Variants in PITPNA observed in about 807,000 individuals in gnomAD.
The protein encoded by PITPNA is phosphatidylinositol transfer protein alpha isoform.
PITPNA carries 13 observed loss-of-function variants against 50.3 expected under a neutral mutation model. The observed-to-expected ratio is 0.26, with a 90% CI of 0.17 to 0.41. The LOEUF (loss-of-function observed/expected upper bound fraction) is 0.41. PITPNA is among the 10% of genes least tolerant of loss of function. PITPNA has a pLI of 1.00. For synonymous variants in PITPNA, 120 were observed against 119.6 expected (o/e 1.00, Z -0.02); for missense variants, 207 against 333.4 (o/e 0.62, Z 2.95).
intron 10 of PITPNA, among the ~76,000 whole-genome samples, chr17:1,526,221 A>G (rs1437830187): frequency 6.6e-6 from 1 of 152,266 alleles, no homozygotes; most frequent in African/African-American, 2.4e-5. Flanking sequence ...GGGTCTAATC[A>G]TGCAGAAACA....
chr17:1,520,410 T>G lies in PITPNA; in HGVS notation c.*151A>C, dbSNP rs1309170872. The G allele has an allele frequency of 6.6e-6, 1 of 152,576 alleles. No individual in the cohort carries two copies. Among genetic ancestry groups the G allele is most frequent in the Non-Finnish European group, 1.5e-5 (1 of 68,040 alleles). 9.5% of individuals were successfully genotyped at this position (152,576 alleles called of 1,614,324 possible). A position where few individuals can be genotyped will look rare whatever the true frequency, so the allele number is the denominator to read the frequency against. ...TTTGTTCACAATACTGAAGGGCATC[T>G]AGAATTAGCTACAGTAAGGAATCGA... On this transcript the variant is annotated 3_prime_UTR_variant, in exon 12 of 12. Transcript: ENST00000313486.
At chr17:1,521,909 G>GT (rs1370807096) in intron 10 of PITPNA, among the ~76,000 whole-genome samples, 1 of 140,720 alleles carries the variant, frequency 7.1e-6, no homozygotes, top group African/African-American at 2.7e-5. Context: ...AGAGGTGTGT[G>GT]TGGGGGGGTC....
intron 6 of PITPNA, 95 bp from the exon 7 acceptor site, chr17:1,539,047 C>A: frequency 2.8e-6 from 2 of 709,146 alleles, no homozygotes; most frequent in Non-Finnish European, 2.5e-6. Flanking sequence ...ATTCCCATAG[C>A]CACAGATGTA....
chr17:1,543,058 G>C, intron 4 of PITPNA, 31 bp from the exon 5 acceptor site: 1 of 1,557,506 alleles, frequency 6.4e-7, no homozygotes, highest in Non-Finnish European at 8.7e-7. Flanking sequence ...GGAAAGAAGA[G>C]AGAAAAAGAT....
chr17:1,539,535 C>G (rs1490857706), intron 6 of PITPNA, among the ~76,000 whole-genome samples: 1 of 150,774 alleles, frequency 6.6e-6, no homozygotes, highest in Non-Finnish European at 1.5e-5. Context: ...GTTACAGCCT[C>G]CTGAAGAGCT....
chr17:1,520,618 A>G (rs2075504848), intron 11 of PITPNA, 80 bp from the exon 12 acceptor site: 12 of 145,896 alleles, frequency 8.2e-5, no homozygotes, highest in Admixed American at 8.1e-4. Flanking sequence ...GATAATTTCA[A>G]GAGGAGGAGG....
At chr17:1,554,286 A>G (rs954879948) in intron 2 of PITPNA, among the ~76,000 whole-genome samples, 3 of 151,054 alleles carry the variant, frequency 2.0e-5, no homozygotes, top group African/African-American at 7.3e-5. Flanking sequence ...GAAAAAAGCT[A>G]TGGGATTACC....
rs150395486 is a variant in PITPNA, at chr17:1,558,048, T to C, written c.51+481A>G. On this transcript the variant is annotated intron_variant, in intron 2 of 11. Coordinates refer to ENST00000313486, the MANE Select transcript of PITPNA (RefSeq NM_006224.4). ...GAGTTTGAGACCAGCCTGGCCAACA[T>C]GGTGAAAGCCCATCTCTACTAAAGA... Among the ~76,000 whole-genome samples, 873 of 152,042 alleles carry C rather than the reference T, an allele frequency of 5.7e-3. 20 individuals carry two copies. The highest frequency in any genetic ancestry group is 0.02 in the African/African-American group (832 of 41,450).
rs765603411 is a variant in PITPNA at position 1,519,341 on chromosome 17, G to C, written c.*1220C>G. 3.3e-5 allele frequency: 5 copies of C among 152,234 alleles called. No individual in the cohort carries two copies. The South Asian group carries it at 8.3e-4, about 25-fold the overall frequency. 9.4% of individuals were successfully genotyped at this position (152,234 alleles called of 1,614,324 possible). On this transcript the variant is annotated 3_prime_UTR_variant, in exon 12 of 12. Transcript: ENST00000313486. ...AAGAGGCAAACTCAGGCTCTGTCAA[G>C]TTGCAGGAAGCTATGAACACTGGGC...
intron 10 of PITPNA, among the ~76,000 whole-genome samples, chr17:1,532,772 C>G (rs968990497): frequency 6.6e-6 from 1 of 152,192 alleles, no homozygotes; most frequent in African/African-American, 2.4e-5. Flanking sequence ...TCCTAAAGAT[C>G]CTTAGCGAAA....
intron 7 of PITPNA, among the ~76,000 whole-genome samples, chr17:1,537,801 T>TTGTG (rs140453081): frequency 4.8e-4 from 72 of 151,208 alleles, no homozygotes; most frequent in African/African-American, 1.3e-3. Context: ...CAAAATAACT[T>TTGTG]TGTGTGTGTG....
chr17:1,525,577 G>A (rs2075542828), intron 10 of PITPNA, among the ~76,000 whole-genome samples: 1 of 148,024 alleles, frequency 6.8e-6, no homozygotes, highest in Admixed American at 6.9e-5. Flanking sequence ...AGAGTGCAGT[G>A]GCACGATCTT....
intron 11 of PITPNA, 43 bp downstream of exon 11, chr17:1,521,536 T>C: frequency 1.4e-6 from 2 of 1,413,762 alleles, no homozygotes; most frequent in South Asian, 2.3e-5. Context: ...CCCAAACTGA[T>C]TTTAGCGTCT....
intron 6 of PITPNA, among the ~76,000 whole-genome samples, chr17:1,540,933 C>A (rs1261498096): frequency 6.6e-6 from 1 of 152,140 alleles, no homozygotes. Context: ...GGGTGTCACT[C>A]TGTTGCCCAG....
At chr17:1,554,233 C>T (rs1016511741) in intron 2 of PITPNA, among the ~76,000 whole-genome samples, 6 of 152,076 alleles carry the variant, frequency 3.9e-5, no homozygotes, top group African/African-American at 9.7e-5. Context: ...CTACCGCTGC[C>T]GGTGCTAATC....
At chr17:1,523,196 G>A (rs1205498132) in intron 10 of PITPNA, among the ~76,000 whole-genome samples, 1 of 152,186 alleles carries the variant, frequency 6.6e-6, no homozygotes, top group African/African-American at 2.4e-5. Context: ...TCTAAAATCA[G>A]TTCTGATTTG....
chr17:1,560,295 C>T (rs1042584915), intron 1 of PITPNA, among the ~76,000 whole-genome samples: 3 of 152,204 alleles, frequency 2.0e-5, no homozygotes, highest in Admixed American at 6.5e-5. Context: ...GAGGAACTGC[C>T]GGGCTGGGCC....
chr17:1,543,383 C>T (rs768335519), intron 4 of PITPNA, among the ~76,000 whole-genome samples: 5 of 152,208 alleles, frequency 3.3e-5, no homozygotes, highest in Non-Finnish European at 5.9e-5. Context: ...CCTCCCACCC[C>T]TACCCCAGCC....
chr17:1,542,160 A>G (rs1411790206), intron 5 of PITPNA, among the ~76,000 whole-genome samples: 1 of 151,616 alleles, frequency 6.6e-6, no homozygotes, highest in Non-Finnish European at 1.5e-5. Context: ...AGATTGCACC[A>G]CTGCACTCCA....
Sources: gnomAD v4.1 joint callset for allele counts (sites outside exome capture counted in the v4.1 genomes callset) on GRCh38, gnomAD v4.1.1 for gene constraint, MANE v1.5 for transcripts, NCBI Gene and HGNC (gene_info 2026-07-23, HGNC 2026-07-21) for gene names.